The following SLC14A2 variants were observed in gnomAD, a reference collection of about 807,000 sequenced individuals.
SLC14A2 encodes the protein urea transporter 2.
SLC14A2 carries 91 observed loss-of-function variants against 104.6 expected under a neutral mutation model. The ratio of observed to expected loss-of-function variants is 0.87; its 90% CI spans 0.73 to 1.04. SLC14A2 has a LOEUF of 1.04. SLC14A2 is among the 50% of genes least tolerant of loss of function. SLC14A2 has a pLI of 0.00. For synonymous variants in SLC14A2, 476 were observed against 466.4 expected, an observed-to-expected ratio of 1.02 and a Z score of -0.27; for missense variants, 1,189 against 1,156.0, an observed-to-expected ratio of 1.03 and a Z score of -0.41.
At chr18:45,364,022 G>T (rs543689391) in intron 1 of SLC14A2, among the ~76,000 whole-genome samples, 1 of 152,104 alleles carries the variant, frequency 6.6e-6, no homozygotes, top group Admixed American at 6.5e-5. Context: ...CCTAATAACT[G>T]TACCCATCCT....
chr18:45,245,613 C>A (rs2084361081), intron 1 of SLC14A2, among the ~76,000 whole-genome samples: 1 of 152,224 alleles, frequency 6.6e-6, no homozygotes, highest in African/African-American at 2.4e-5. Flanking sequence ...CCTTTACTTT[C>A]TGGTCACAAC....
chr18:45,359,907 T>A (rs772164334), intron 1 of SLC14A2, among the ~76,000 whole-genome samples: 1 of 152,176 alleles, frequency 6.6e-6, no homozygotes, highest in South Asian at 2.1e-4. Flanking sequence ...ATGGTAAAGT[T>A]CACATTTCTT....
chr18:45,575,462 T>G (rs1380869841), intron 2 of SLC14A2, among the ~76,000 whole-genome samples: 2 of 152,170 alleles, frequency 1.3e-5, no homozygotes, highest in Admixed American at 6.6e-5. Flanking sequence ...CTGCAGAGAT[T>G]GTAGTTCATC....
chr18:45,518,864 C>T (rs577748307), intron 2 of SLC14A2, among the ~76,000 whole-genome samples: 29 of 152,312 alleles, frequency 1.9e-4, no homozygotes, highest in African/African-American at 6.3e-4. Flanking sequence ...CCAGGGCAAG[C>T]AAGCTGTTTT....
chr18:45,642,832 G>T (rs2045553758), intron 8 of SLC14A2, among the ~76,000 whole-genome samples: 1 of 152,248 alleles, frequency 6.6e-6, no homozygotes, highest in Non-Finnish European at 1.5e-5. Flanking sequence ...AGCATATGAT[G>T]TGTATTGACC....
chr18:45,507,064 G>A (rs1261268523), intron 2 of SLC14A2: 2 of 152,220 alleles, frequency 1.3e-5, no homozygotes, highest in Non-Finnish European at 2.9e-5. Flanking sequence ...CAAGGTCTAC[G>A]AATCCCTACA....
intron 1 of SLC14A2, among the ~76,000 whole-genome samples, chr18:45,351,526 GTTCATTTTT>G (rs2085503824): frequency 6.6e-6 from 1 of 152,076 alleles, no homozygotes; most frequent in African/African-American, 2.4e-5. Context: ...AGCTAATTTT[GTTCATTTTT>G]TTAAAGACAA....
Position 45,268,426 on chromosome 18 carries a change from GATAA to G in SLC14A2, c.-125+55242_-125+55245del, listed in dbSNP as rs1274969801. ...AGATCAAAAACAGTCTCTAATACAG[GATAA>G]ATAAATGGTACGATATGATCTATGC... On this transcript the variant is annotated intron_variant, in intron 1 of 20. Coordinates refer to the SLC14A2 transcript ENST00000586448. Among the ~76,000 whole-genome samples the G allele has an allele frequency of 2.0e-5, 3 of 152,172 alleles. No homozygotes were observed. In the East Asian group the frequency reaches 5.8e-4, roughly 29 times the overall value.
Position 45,627,004 on chromosome 18 carries a change from C to G in SLC14A2, c.378C>G (p.Thr126=). ...LQFIDWVLRG[T]AQVMFINNPL... The stretch of plus-strand genomic sequence containing the variant: ...TCATAGACTGGGTCCTGAGAGGGAC[C>G]GCTCAGGTGATGTTCATCAACAATC... Residue 126 remains threonine (T), a synonymous_variant, in exon 4 of 20, where the codon ACC becomes ACG. Coordinates refer to ENST00000255226, the MANE Select transcript of SLC14A2 (RefSeq NM_007163.4). 6.2e-7 allele frequency: 1 copy of G among 1,612,716 alleles called. No homozygotes were observed. Among genetic ancestry groups the G allele is most frequent in the Non-Finnish European group, 8.5e-7 (1 of 1,179,948 alleles).
intron 1 of SLC14A2, among the ~76,000 whole-genome samples, chr18:45,330,948 G>A (rs2085283878): frequency 1.3e-5 from 2 of 152,174 alleles, no homozygotes; most frequent in Non-Finnish European, 2.9e-5. Context: ...ACATGGAAGT[G>A]CTTCATGCAT....
intron 1 of SLC14A2, among the ~76,000 whole-genome samples, chr18:45,296,354 T>A (rs2144179249): frequency 6.6e-6 from 1 of 152,312 alleles, no homozygotes; most frequent in South Asian, 2.1e-4. Context: ...ACTTCTCTGC[T>A]AGTCAGAGAC....
At chr18:45,548,121 TG>T (rs2044001568) in intron 2 of SLC14A2, among the ~76,000 whole-genome samples, 1 of 152,120 alleles carries the variant, frequency 6.6e-6, no homozygotes, top group African/African-American at 2.4e-5. Flanking sequence ...AACAAGAGAA[TG>T]ACCCATGATA....
intron 2 of SLC14A2, among the ~76,000 whole-genome samples, chr18:45,609,143 G>C (rs1176615900): frequency 6.6e-6 from 1 of 152,086 alleles, no homozygotes; most frequent in Non-Finnish European, 1.5e-5. Flanking sequence ...GCATCCATCT[G>C]TCTCCCTGTC....
At chr18:45,492,717 G>T (rs1011504770) in intron 2 of SLC14A2, among the ~76,000 whole-genome samples, 1 of 152,156 alleles carries the variant, frequency 6.6e-6, no homozygotes, top group Non-Finnish European at 1.5e-5. Flanking sequence ...TAGCTGGTTC[G>T]CAGCTAATAA....
In SLC14A2 at chr18:45,452,837, G is replaced by C. The variant is rs147611339; in HGVS notation, c.-124-30396G>C. ...AGAGCTATGAAGCTTAGCTGAGGTT[G>C]AAAGTGGTGTTTGAGGCATTCTTCA... On this transcript the variant is annotated intron_variant, in intron 1 of 20. Coordinates refer to the SLC14A2 transcript ENST00000586448. Among the ~76,000 whole-genome samples the C allele has an allele frequency of 2.8e-3, 425 of 152,328 alleles. 2 individuals carry two copies. Among genetic ancestry groups the C allele is most frequent in the Middle Eastern group, 0.014 (4 of 294 alleles).
At chr18:45,331,951 A>G (rs2085295231) in intron 1 of SLC14A2, among the ~76,000 whole-genome samples, 1 of 152,206 alleles carries the variant, frequency 6.6e-6, no homozygotes, top group South Asian at 2.1e-4. Flanking sequence ...CTGTGCAGAC[A>G]GCAGGTGGGG....
At chr18:45,201,895 T>G in the SLC14A2 span, among the ~76,000 whole-genome samples, 1 of 152,098 alleles carries the variant, frequency 6.6e-6, no homozygotes, top group Non-Finnish European at 1.5e-5. Flanking sequence ...TGAAGAAAAT[T>G]AAGAAATTCA....
At chr18:45,525,566 G>C (rs931792204) in intron 2 of SLC14A2, among the ~76,000 whole-genome samples, 1 of 152,158 alleles carries the variant, frequency 6.6e-6, no homozygotes, top group Non-Finnish European at 1.5e-5. Context: ...CACAGAAATG[G>C]CTTTTATTAA....
Sources: allele counts gnomAD v4.1 joint callset (sites outside exome capture counted in the v4.1 genomes callset), GRCh38; gene constraint gnomAD v4.1.1; transcripts MANE v1.5; gene names NCBI Gene and HGNC (gene_info 2026-07-23, HGNC 2026-07-21).